DMD: variants seen among roughly 807,000 people sequenced by gnomAD.
DMD encodes dystrophin, also known as mutant dystrophin.
A neutral mutation model predicts 330.1 loss-of-function variants in DMD; 63 were observed. That is an observed-to-expected ratio of 0.19 (90% CI 0.16 to 0.24). The LOEUF (loss-of-function observed/expected upper bound fraction) is 0.24. DMD is among the 10% of genes least tolerant of loss of function. DMD has a pLI of 1.00. For missense variants in DMD, 3,344 were observed against 2,684.1 expected (o/e 1.25, Z -5.43); for synonymous variants, 1,223 against 959.8 (o/e 1.27, Z -5.07).
chrX:31,703,184 C>T (rs930347505), intron 52 of DMD, among the ~76,000 whole-genome samples: 6 of 111,665 alleles, frequency 5.4e-5, no homozygotes, highest in Non-Finnish European at 1.1e-4. Flanking sequence ...CCTCCCACCC[C>T]ACACTGCTTT....
At chrX:32,706,390 A>C (rs1268212280) in intron 7 of DMD, among the ~76,000 whole-genome samples, 3 of 110,167 alleles carry the variant, frequency 2.7e-5, no homozygotes, top group Non-Finnish European at 5.7e-5. Flanking sequence ...TAATAATAAA[A>C]AAAAAATGTA....
chrX:31,991,423 A>G (rs1263782449), intron 44 of DMD, among the ~76,000 whole-genome samples: 5 of 111,279 alleles, frequency 4.5e-5, no homozygotes, highest in Non-Finnish European at 9.4e-5. Flanking sequence ...TGTAGCCTGC[A>G]AAGGAGGAGC....
intron 66 of DMD, among the ~76,000 whole-genome samples, chrX:31,204,546 T>C (rs770933182): frequency 1.8e-5 from 2 of 112,686 alleles, no homozygotes; most frequent in South Asian, 7.4e-4. Context: ...TTGGGACTTC[T>C]TTATGGAGTC....
intron 76 of DMD, 149 bp from the exon 77 acceptor site, chrX:31,134,343 T>C: frequency 6.3e-6 from 3 of 474,540 alleles, no homozygotes; most frequent in East Asian, 3.8e-5. Context: ...AATGAGGAAG[T>C]AATTCTTTAA....
intron 51 of DMD, among the ~76,000 whole-genome samples, chrX:31,742,663 AC>A (rs1347659268): frequency 9.0e-6 from 1 of 111,428 alleles, no homozygotes. Context: ...ATGCAACTGG[AC>A]CCCCTCCTTA....
At chrX:32,826,529 G>A (rs1334866995) in intron 4 of DMD, among the ~76,000 whole-genome samples, 1 of 111,387 alleles carries the variant, frequency 9.0e-6, no homozygotes, top group African/African-American at 3.3e-5. Context: ...AAAAAGCAGA[G>A]AATCCTCTCA....
intron 4 of DMD, among the ~76,000 whole-genome samples, chrX:32,834,384 A>G (rs1294233673): frequency 8.9e-6 from 1 of 112,025 alleles, no homozygotes; most frequent in African/African-American, 3.2e-5. Context: ...AATATGTATT[A>G]TATGGCTATT....
chrX:31,537,825 C>T (rs1039835482), intron 55 of DMD, among the ~76,000 whole-genome samples: 1 of 111,945 alleles, frequency 8.9e-6, no homozygotes, highest in African/African-American at 3.2e-5. Context: ...GATGTACACC[C>T]GTAGCACTAT....
At chrX:31,972,473 A>G (rs1452278360) in intron 44 of DMD, among the ~76,000 whole-genome samples, 1 of 112,028 alleles carries the variant, frequency 8.9e-6, no homozygotes, top group East Asian at 2.8e-4. Context: ...ATAGAATGTG[A>G]CAAATGAAGA....
chrX:32,610,400 T>C (rs1026661816), intron 12 of DMD, among the ~76,000 whole-genome samples: 7 of 111,238 alleles, frequency 6.3e-5, no homozygotes, highest in African/African-American at 2.3e-4. Context: ...CTTACCTAAT[T>C]GCCAGGTTCA....
intron 44 of DMD, among the ~76,000 whole-genome samples, chrX:32,101,865 T>C (rs1391123151): frequency 2.7e-5 from 3 of 111,533 alleles, no homozygotes; most frequent in Non-Finnish European, 5.7e-5. Flanking sequence ...GATTGCATCA[T>C]GAGGGCTCTG....
chrX:31,154,926 C>A (rs73460294), intron 74 of DMD, among the ~76,000 whole-genome samples: 2,335 of 112,040 alleles, frequency 0.021, 53 homozygotes, highest in African/African-American at 0.067. Flanking sequence ...AGTCTTCCAT[C>A]CAGTATTTCT....
At chrX:31,659,664 A>C (rs995847755) in intron 53 of DMD, among the ~76,000 whole-genome samples, 2 of 106,580 alleles carry the variant, frequency 1.9e-5, no homozygotes, top group African/African-American at 6.8e-5. Context: ...AAAAAAAAAA[A>C]AAAAGAGAAA....
intron 49 of DMD, among the ~76,000 whole-genome samples, chrX:31,828,961 T>C (rs1322996452): frequency 8.9e-6 from 1 of 111,733 alleles, no homozygotes; most frequent in African/African-American, 3.3e-5. Context: ...AATTTGCAAT[T>C]GCAAGATATG....
At chrX:32,727,881 A>T (rs2067073929) in intron 7 of DMD, among the ~76,000 whole-genome samples, 1 of 111,737 alleles carries the variant, frequency 8.9e-6, no homozygotes, top group African/African-American at 3.3e-5. Context: ...CACTCTGATC[A>T]TACTTTTGTT....
intron 2 of DMD, among the ~76,000 whole-genome samples, chrX:32,960,938 AG>A (rs1420384646): frequency 2.0e-5 from 2 of 101,527 alleles, no homozygotes; most frequent in Admixed American, 2.1e-4. Context: ...AAAAAAAAAA[AG>A]GTCAATTTAA....
At chrX:32,033,879 C>T (rs2095916526) in intron 44 of DMD, among the ~76,000 whole-genome samples, 1 of 111,306 alleles carries the variant, frequency 9.0e-6, no homozygotes, top group South Asian at 3.8e-4. Context: ...TTACTATAGG[C>T]CCTGCAAAAG....
intron 1 of DMD, among the ~76,000 whole-genome samples, chrX:33,123,455 C>T (rs972841015): frequency 6.3e-5 from 7 of 110,916 alleles, no homozygotes; most frequent in Non-Finnish European, 7.5e-5. Context: ...CTACCTCTGT[C>T]GCCCAGGCTG....
intron 2 of DMD, among the ~76,000 whole-genome samples, chrX:32,888,774 G>T (rs1447790228): frequency 1.8e-5 from 2 of 111,731 alleles, no homozygotes; most frequent in African/African-American, 6.5e-5. Context: ...ACCATCAACA[G>T]ATGAACGGAT....
Sources: allele counts gnomAD v4.1 joint callset (sites outside exome capture counted in the v4.1 genomes callset), GRCh38; gene constraint gnomAD v4.1.1; transcripts MANE v1.5; gene names NCBI Gene and HGNC (gene_info 2026-07-23, HGNC 2026-07-21).